DCAF6: variants seen among roughly 807,000 people sequenced by gnomAD.
The protein encoded by DCAF6 is DDB1 and CUL4 associated factor 6.
Under a neutral mutation model 125.1 loss-of-function variants are expected in DCAF6, and 54 were observed. The ratio of observed to expected loss-of-function variants is 0.43; its 90% CI spans 0.35 to 0.54. The LOEUF (loss-of-function observed/expected upper bound fraction) is 0.54. Among genes scored for constraint, DCAF6 ranks in the 20% least tolerant of loss-of-function variants. The pLI is 0.01. For missense variants in DCAF6, 934 were observed against 1,161.7 expected (o/e 0.80, Z 2.85); for synonymous variants, 371 against 390.4 (o/e 0.95, Z 0.58).
intron 7 of DCAF6, among the ~76,000 whole-genome samples, chr1:167,993,862 C>T (rs1390454630): frequency 6.6e-6 from 1 of 151,886 alleles, no homozygotes; most frequent in African/African-American, 2.4e-5. Flanking sequence ...AATTAATTTT[C>T]AAGGCACTTA....
rs1176762234 is a variant in DCAF6 at position 168,036,467 on chromosome 1, A to T, written c.1610-1904A>T. 3.9e-5 allele frequency among the ~76,000 whole-genome samples: 6 copies of T among 152,334 alleles called. No homozygotes were observed. The East Asian group carries it at 1.2e-3, about 29-fold the overall frequency. ...AACATTTATAAAATATTAAGAGAGA[A>T]AATGAAAAAACTAGCCCGAACTCAG... On this transcript the variant is annotated intron_variant, in intron 12 of 21. Transcript: ENST00000367840.
At chr1:167,952,624 G>A (rs1674140159) in intron 2 of DCAF6, among the ~76,000 whole-genome samples, 1 of 152,078 alleles carries the variant, frequency 6.6e-6, no homozygotes, top group Non-Finnish European at 1.5e-5. Context: ...CTCTGTCTCA[G>A]CTGACTCCTC....
At chr1:167,949,722 A>G (rs1416529675) in intron 1 of DCAF6, among the ~76,000 whole-genome samples, 4 of 152,168 alleles carry the variant, frequency 2.6e-5, no homozygotes, top group South Asian at 2.1e-4. Context: ...TAGCAGTCCA[A>G]TTGGTTACCT....
chr1:167,955,007 G>A (rs1244984298), intron 2 of DCAF6, among the ~76,000 whole-genome samples: 4 of 151,960 alleles, frequency 2.6e-5, no homozygotes, highest in East Asian at 1.9e-4. Context: ...TTAAATAAAC[G>A]GAATCATTGA....
At chr1:168,043,498 G>C (rs924596669) in intron 14 of DCAF6, among the ~76,000 whole-genome samples, 11 of 152,012 alleles carry the variant, frequency 7.2e-5, no homozygotes, top group Admixed American at 7.2e-4. Context: ...TATAGAGGGG[G>C]AAAAAGGAAT....
chr1:167,883,648 T>C, the DCAF6 span: 1 of 1,613,856 alleles, frequency 6.2e-7, no homozygotes, highest in Non-Finnish European at 8.5e-7. Context: ...AGAGAGCAGC[T>C]TTCTGTAGGT....
In DCAF6 at chr1:167,974,786, G is replaced by A. The variant is rs778107633; in HGVS notation, c.253-44G>A. The A allele has an allele frequency of 5.8e-6, 8 of 1,379,492 alleles. No homozygotes were observed. The South Asian group carries it at 1.3e-4, about 23-fold the overall frequency. The allele number at this position is 1,379,492 out of a possible 1,614,324, so 85.5% of individuals were successfully genotyped here. On this transcript the variant is annotated intron_variant, in intron 3 of 21. Coordinates refer to ENST00000367840, the MANE Select transcript of DCAF6 (RefSeq NM_001198956.2). ...ATTATATTAAAAATGAATATTTCTA[G>A]GAAATAATAAGTTACCATTAACTGC...
At chr1:168,025,684 T>G (rs1019426801) in intron 12 of DCAF6, among the ~76,000 whole-genome samples, 1 of 152,214 alleles carries the variant, frequency 6.6e-6, no homozygotes, top group African/African-American at 2.4e-5. Context: ...CACCACCATT[T>G]GTCTCTCCTA....
chr1:167,963,157 G>T (rs1368109496), intron 2 of DCAF6, among the ~76,000 whole-genome samples: 1 of 151,912 alleles, frequency 6.6e-6, no homozygotes, highest in African/African-American at 2.4e-5. Context: ...CCAGCTACTC[G>T]GGAGGCTGAG....
At chr1:167,922,241 C>T in the DCAF6 span, among the ~76,000 whole-genome samples, 1 of 151,988 alleles carries the variant, frequency 6.6e-6, no homozygotes, top group Admixed American at 6.6e-5. Flanking sequence ...TCAACATGTA[C>T]TTAAAATAGA....
intron 4 of DCAF6, among the ~76,000 whole-genome samples, chr1:167,986,705 T>C (rs1400948321): frequency 6.6e-6 from 1 of 152,108 alleles, no homozygotes; most frequent in Non-Finnish European, 1.5e-5. Context: ...CTACAGGAGG[T>C]GGAGCTCAGG....
intron 13 of DCAF6, among the ~76,000 whole-genome samples, chr1:168,042,235 T>G (rs1283358795): frequency 1.3e-5 from 2 of 152,046 alleles, no homozygotes; most frequent in African/African-American, 2.4e-5. Flanking sequence ...TTTTTTCTTG[T>G]TCACATTTAT....
intron 14 of DCAF6, among the ~76,000 whole-genome samples, 153 bp from the exon 15 acceptor site, chr1:168,044,432 A>G (rs1269168045): frequency 6.6e-6 from 1 of 152,200 alleles, no homozygotes; most frequent in Non-Finnish European, 1.5e-5. Flanking sequence ...GAGATAATTT[A>G]CAGTATAAGG....
In DCAF6 at chr1:168,003,957, G is replaced by A. The variant is rs1475730542; in HGVS notation, c.1085G>A (p.Ser362Asn). The A allele has an allele frequency of 6.2e-7, 1 of 1,612,494 alleles. No homozygotes were observed. Among genetic ancestry groups the A allele is most frequent in the Non-Finnish European group, 8.5e-7 (1 of 1,179,216 alleles). ...WFEEASEVAQ[S>N]NRGRGRSRPR... ...GAAGAAGCAAGTGAGGTTGCACAAAGCAATAGAGGACGAGGAAGATCTCGA... is the reference window on the plus strand; with the variant it reads ...GAAGAAGCAAGTGAGGTTGCACAAAACAATAGAGGACGAGGAAGATCTCGA... The change falls in exon 9 of 22, where the codon AGC becomes AAC. Residue 362 changes from serine to asparagine, a missense_variant. By Grantham distance (46) the Ser-to-Asn change is conservative. Transcript: ENST00000367840.
At chr1:167,982,254 T>G (rs2102948068) in intron 4 of DCAF6, among the ~76,000 whole-genome samples, 1 of 152,306 alleles carries the variant, frequency 6.6e-6, no homozygotes, top group Non-Finnish European at 1.5e-5. Flanking sequence ...TAAGTTCTTT[T>G]TTTTTTGAGA....
At chr1:167,948,707 A>C (rs1049557675) in intron 1 of DCAF6, among the ~76,000 whole-genome samples, 1 of 152,142 alleles carries the variant, frequency 6.6e-6, no homozygotes, top group Admixed American at 6.5e-5. Flanking sequence ...GCTGGAGTAC[A>C]GTGGCATGAT....
At chr1:167,873,825 A>G in the DCAF6 span, among the ~76,000 whole-genome samples, 1 of 152,232 alleles carries the variant, frequency 6.6e-6, no homozygotes, top group African/African-American at 2.4e-5. Context: ...AGCACTAACT[A>G]TAAAAGACAG....
intron 1 of DCAF6, 74 bp downstream of exon 1, chr1:167,937,082 G>C: frequency 7.5e-7 from 1 of 1,329,188 alleles, no homozygotes; most frequent in Non-Finnish European, 1.1e-6. Context: ...TGCCGGGTCT[G>C]TTGGAGGTGG....
chr1:167,910,874 T>G, the DCAF6 span, among the ~76,000 whole-genome samples: 22 of 152,330 alleles, frequency 1.4e-4, no homozygotes, highest in African/African-American at 5.3e-4. Flanking sequence ...ACTGAGCTAA[T>G]GAAAACAGAG....
Sources: allele counts gnomAD v4.1 joint callset (sites outside exome capture counted in the v4.1 genomes callset), GRCh38; gene constraint gnomAD v4.1.1; transcripts MANE v1.5; gene names NCBI Gene and HGNC (gene_info 2026-07-23, HGNC 2026-07-21).